AMBRA1: variants seen among roughly 807,000 people sequenced by gnomAD.
AMBRA1 encodes the protein autophagy and beclin 1 regulator 1.
In AMBRA1, 47 loss-of-function variants were observed where a neutral mutation model predicts 125.4. That is an observed-to-expected ratio of 0.37 (90% confidence interval 0.30 to 0.48). The LOEUF (loss-of-function observed/expected upper bound fraction) is 0.48, where lower values mean the gene tolerates loss of function less well. Among genes scored for constraint, AMBRA1 ranks in the 20% least tolerant of loss-of-function variants. AMBRA1 has a pLI of 0.99. For missense variants in AMBRA1, 1,331 were observed against 1,693.4 expected (o/e 0.79, Z 3.76); for synonymous variants, 626 against 655.5 (o/e 0.95, Z 0.69).
At chr11:46,441,877 C>T (rs540213570) in intron 12 of AMBRA1, among the ~76,000 whole-genome samples, 8 of 148,276 alleles carry the variant, frequency 5.4e-5, no homozygotes, top group African/African-American at 7.5e-5. Flanking sequence ...AGAAGCATTA[C>T]GAGATTTATA....
rs529645602 is a variant in AMBRA1 at position 46,462,109 on chromosome 11, C to T, written c.2522-18511G>A. Reference sequence around the variant, plus strand: ...TCTAGCTTTTACAAGAGATATCTGACGAGATTAAAATGTATTTTGGTGTTT... The same window carrying T: ...TCTAGCTTTTACAAGAGATATCTGATGAGATTAAAATGTATTTTGGTGTTT... On this transcript the variant is annotated intron_variant, in intron 11 of 17. Coordinates refer to ENST00000683756, the MANE Select transcript of AMBRA1 (RefSeq NM_001387011.1). 4.6e-5 allele frequency among the ~76,000 whole-genome samples: 7 copies of T among 152,254 alleles called. No homozygotes were observed. The South Asian group carries it at 1.0e-3, about 23-fold the overall frequency.
intron 11 of AMBRA1, among the ~76,000 whole-genome samples, chr11:46,477,627 G>A (rs1949871651): frequency 6.6e-6 from 1 of 152,022 alleles, no homozygotes; most frequent in Admixed American, 6.5e-5. Context: ...GAGCCACTGT[G>A]CCCAGCCTCT....
chr11:46,513,301 T>C (rs1175757163), intron 7 of AMBRA1, among the ~76,000 whole-genome samples: 1 of 149,042 alleles, frequency 6.7e-6, no homozygotes, highest in Non-Finnish European at 1.5e-5. Flanking sequence ...TGAGTACTCC[T>C]CAGATATATA....
rs537064787 is a variant in AMBRA1, at chr11:46,433,120, T to TCA, written c.2976+352_2976+353dup. Among the ~76,000 whole-genome samples, 18 of 152,128 alleles carry TCA rather than the reference T, an allele frequency of 1.2e-4. 1 individual carries two copies. The East Asian group carries it at 1.9e-3, about 16-fold the overall frequency. ...CTATTACTTTTTACAGCTTGTTCCC[T>TCA]CACACACACACACAAAAAGCTTTAA... is the stretch of plus-strand genomic sequence containing the variant. On this transcript the variant is annotated intron_variant, in intron 14 of 17. Coordinates refer to ENST00000683756, the MANE Select transcript of AMBRA1 (RefSeq NM_001387011.1).
At chr11:46,512,297 T>C (rs1951288201) in intron 8 of AMBRA1, among the ~76,000 whole-genome samples, 1 of 152,248 alleles carries the variant, frequency 6.6e-6, no homozygotes, top group Non-Finnish European at 1.5e-5. Context: ...CTTCTGCCTT[T>C]TGATATTCTA....
At chr11:46,583,390 T>C (rs1272081987) in intron 1 of AMBRA1, among the ~76,000 whole-genome samples, 1 of 151,484 alleles carries the variant, frequency 6.6e-6, no homozygotes. Flanking sequence ...CCTAAAACCA[T>C]AAAAACGCTA....
intron 11 of AMBRA1, among the ~76,000 whole-genome samples, chr11:46,447,372 T>G (rs1002140692): frequency 1.3e-5 from 2 of 152,010 alleles, no homozygotes; most frequent in African/African-American, 4.8e-5. Flanking sequence ...CTACCTCTAC[T>G]AAAAATACAA....
chr11:46,588,755 A>G (rs911646176), intron 1 of AMBRA1, among the ~76,000 whole-genome samples: 5 of 151,108 alleles, frequency 3.3e-5, no homozygotes, highest in Non-Finnish European at 7.4e-5. Context: ...AGATTGGGCA[A>G]CAAGAGCGAA....
chr11:46,550,096 G>A (rs1280052311), intron 1 of AMBRA1, among the ~76,000 whole-genome samples: 1 of 152,212 alleles, frequency 6.6e-6, no homozygotes, highest in African/African-American at 2.4e-5. Context: ...TGGGATTACA[G>A]GTGTGAGCTA....
chr11:46,471,955 G>T (rs1198975014), intron 11 of AMBRA1, among the ~76,000 whole-genome samples: 1 of 152,100 alleles, frequency 6.6e-6, no homozygotes, highest in East Asian at 1.9e-4. Context: ...AGGATTTGTT[G>T]CCTCGTTTCA....
chr11:46,419,544 T>C (rs1375912683), intron 14 of AMBRA1, among the ~76,000 whole-genome samples: 12 of 152,220 alleles, frequency 7.9e-5, no homozygotes. Context: ...TATCTCAGTC[T>C]CTTCACAAAT....
intron 11 of AMBRA1, among the ~76,000 whole-genome samples, chr11:46,461,314 C>T (rs1004395694): frequency 4.6e-5 from 7 of 152,052 alleles, no homozygotes; most frequent in Admixed American, 3.3e-4. Flanking sequence ...GCAAATAGGG[C>T]AAAATGTCAA....
chr11:46,439,080 G>T (rs1947871152), intron 12 of AMBRA1, among the ~76,000 whole-genome samples: 1 of 152,024 alleles, frequency 6.6e-6, no homozygotes, highest in Admixed American at 6.6e-5. Flanking sequence ...AGACCAGCCT[G>T]GGCAACACAG....
intron 11 of AMBRA1, among the ~76,000 whole-genome samples, chr11:46,493,351 A>G (rs1392097555): frequency 1.3e-5 from 2 of 152,232 alleles, no homozygotes; most frequent in Non-Finnish European, 2.9e-5. Flanking sequence ...GGATTAAGAA[A>G]CAAATGGTTT....
At chr11:46,538,580 G>A (rs1351068238) in intron 7 of AMBRA1, among the ~76,000 whole-genome samples, 7 of 151,934 alleles carry the variant, frequency 4.6e-5, no homozygotes, top group Admixed American at 4.6e-4. Flanking sequence ...TGCAACCTCC[G>A]CCTCCCCGGG....
chr11:46,469,106 G>C (rs968009985), intron 11 of AMBRA1, among the ~76,000 whole-genome samples: 1 of 152,122 alleles, frequency 6.6e-6, no homozygotes, highest in African/African-American at 2.4e-5. Flanking sequence ...TCACGCCACT[G>C]AACTCCAGCC....
chr11:46,405,324 T>C (rs1945955039), intron 17 of AMBRA1, among the ~76,000 whole-genome samples: 1 of 152,176 alleles, frequency 6.6e-6, no homozygotes, highest in Non-Finnish European at 1.5e-5. Flanking sequence ...TCTCCCTCTC[T>C]AGACTGCGAG....
intron 11 of AMBRA1, among the ~76,000 whole-genome samples, chr11:46,458,648 G>C (rs1948954195): frequency 6.6e-6 from 1 of 152,124 alleles, no homozygotes; most frequent in Non-Finnish European, 1.5e-5. Flanking sequence ...CCAGGCTGGA[G>C]TGCTGTGGCA....
chr11:46,563,229 T>C (rs961448474), intron 1 of AMBRA1, among the ~76,000 whole-genome samples: 7 of 152,188 alleles, frequency 4.6e-5, no homozygotes, highest in East Asian at 1.9e-4. Flanking sequence ...ATAGAGAACA[T>C]AGACCTCATC....
Sources: allele counts gnomAD v4.1 joint callset (sites outside exome capture counted in the v4.1 genomes callset), GRCh38; gene constraint gnomAD v4.1.1; transcripts MANE v1.5; gene names NCBI Gene and HGNC (gene_info 2026-07-23, HGNC 2026-07-21).